Variants in NRXN3 observed in about 807,000 individuals in gnomAD.
The protein encoded by NRXN3 is neurexin III.
In NRXN3, 32 loss-of-function variants were observed where a neutral mutation model predicts 137.6. The ratio of observed to expected loss-of-function variants is 0.23; its 90% CI spans 0.18 to 0.31. NRXN3 has a LOEUF of 0.31. Among genes scored for constraint, NRXN3 ranks in the 10% least tolerant of loss-of-function variants. NRXN3 has a pLI of 1.00. For synonymous variants in NRXN3, 798 were observed against 784.5 expected, an observed-to-expected ratio of 1.02 and a Z score of -0.29; for missense variants, 1,574 against 2,062.5, an observed-to-expected ratio of 0.76 and a Z score of 4.59.
intron 2 of NRXN3, chr14:78,249,988 A>C: frequency 2.4e-6 from 1 of 415,454 alleles, no homozygotes; most frequent in Non-Finnish European, 4.8e-6. Context: ...GCTAATAATC[A>C]CAGAGCACTG....
intron 6 of NRXN3, among the ~76,000 whole-genome samples, chr14:78,700,457 A>G (rs1594882932): frequency 2.0e-5 from 3 of 152,328 alleles, no homozygotes; most frequent in Middle Eastern, 6.8e-3. Context: ...GTAGAGGCAC[A>G]TATTTGCCAA....
intron 15 of NRXN3, among the ~76,000 whole-genome samples, chr14:79,195,815 A>G (rs2065052100): frequency 1.3e-5 from 2 of 152,228 alleles, no homozygotes; most frequent in Admixed American, 1.3e-4. Context: ...TTTACTATGG[A>G]GATCCCTAGT....
At chr14:78,429,601 G>A (rs933793519) in intron 4 of NRXN3, among the ~76,000 whole-genome samples, 1 of 152,172 alleles carries the variant, frequency 6.6e-6, no homozygotes, top group African/African-American at 2.4e-5. Context: ...AAGATGATCA[G>A]CACCTGCTTT....
intron 19 of NRXN3, among the ~76,000 whole-genome samples, chr14:79,800,767 AAAC>A (rs963248522): frequency 9.8e-5 from 15 of 152,320 alleles, no homozygotes; most frequent in Middle Eastern, 3.4e-3. Flanking sequence ...GAAAAAGCCA[AAAC>A]AACAACAACA....
chr14:79,585,692 AAC>A lies in NRXN3; in HGVS notation c.3445-78084_3445-78083del, dbSNP rs1320156188. Among the ~76,000 whole-genome samples the A allele has an allele frequency of 6.9e-4, 80 of 116,476 alleles. 2 individuals are homozygous for A. The highest frequency in any genetic ancestry group is 9.5e-4 in the African/African-American group (30 of 31,552). 76.4% of individuals were successfully genotyped at this position (116,476 alleles called of 152,430 possible). On this transcript the variant is annotated intron_variant, in intron 16 of 20. Transcript: ENST00000335750. ...GAGCGAGACTCCATCTTAAAAAAAAAACAAAAAAAAAAAAAACCAACTTTGAT... is the reference window on the plus strand; with the variant it reads ...GAGCGAGACTCCATCTTAAAAAAAAAAAAAAAAAAAAAAACCAACTTTGAT...
At chr14:79,314,498 G>T (rs1411373721) in intron 15 of NRXN3, among the ~76,000 whole-genome samples, 1 of 31,724 alleles carries the variant, frequency 3.2e-5, no homozygotes, top group Admixed American at 4.4e-4. Flanking sequence ...AGGGGCGCCC[G>T]CCATTGCCCA....
intron 16 of NRXN3, among the ~76,000 whole-genome samples, chr14:79,584,097 A>AG (rs2097744623): frequency 8.5e-6 from 1 of 117,734 alleles, no homozygotes; most frequent in African/African-American, 5.1e-5. Context: ...TTACTAGGAT[A>AG]ATTTTTTCTC....
intron 20 of NRXN3, among the ~76,000 whole-genome samples, chr14:79,856,022 T>C (rs1393316315): frequency 6.6e-6 from 1 of 152,190 alleles, no homozygotes; most frequent in Admixed American, 6.5e-5. Flanking sequence ...TTGTAATACA[T>C]AATGATATCA....
At chr14:78,211,683 A>G (rs749632482) in intron 1 of NRXN3, among the ~76,000 whole-genome samples, 3 of 152,238 alleles carry the variant, frequency 2.0e-5, no homozygotes, top group South Asian at 2.1e-4. Context: ...GAGTGCCACT[A>G]TTCTAACGTC....
At chr14:79,420,377 G>T (rs2095558390) in intron 15 of NRXN3, among the ~76,000 whole-genome samples, 1 of 152,072 alleles carries the variant, frequency 6.6e-6, no homozygotes, top group African/African-American at 2.4e-5. Context: ...TTAAACTGAT[G>T]TATGACAGAA....
chr14:78,509,253 C>T (rs976180779), intron 4 of NRXN3, among the ~76,000 whole-genome samples: 2 of 152,102 alleles, frequency 1.3e-5, no homozygotes, highest in Non-Finnish European at 2.9e-5. Flanking sequence ...GAGCCAAGAT[C>T]GTGCTACTGC....
chr14:78,257,155 A>G (rs1206495285), intron 2 of NRXN3, among the ~76,000 whole-genome samples: 1 of 152,262 alleles, frequency 6.6e-6, no homozygotes, highest in East Asian at 1.9e-4. Context: ...TATGAAAACC[A>G]TGGTATGAAC....
At chr14:79,252,199 G>A (rs542840633) in intron 15 of NRXN3, among the ~76,000 whole-genome samples, 1 of 152,216 alleles carries the variant, frequency 6.6e-6, no homozygotes, top group Non-Finnish European at 1.5e-5. Context: ...TTCAAGGGTG[G>A]TGTATCTGAA....
At chr14:79,197,747 GGC>G (rs2153198326) in intron 15 of NRXN3, among the ~76,000 whole-genome samples, 1 of 152,074 alleles carries the variant, frequency 6.6e-6, no homozygotes, top group East Asian at 1.9e-4. Flanking sequence ...AGGTTGGGGT[GGC>G]AAACAACAAA....
chr14:79,382,603 T>C (rs1336840576), intron 15 of NRXN3, among the ~76,000 whole-genome samples: 1 of 152,136 alleles, frequency 6.6e-6, no homozygotes, highest in Non-Finnish European at 1.5e-5. Flanking sequence ...TTGTTGTTAT[T>C]ATCATACACA....
chr14:79,009,607 G>T (rs2099567700), intron 15 of NRXN3, among the ~76,000 whole-genome samples: 1 of 152,100 alleles, frequency 6.6e-6, no homozygotes, highest in Admixed American at 6.5e-5. Context: ...TCAGACAGGG[G>T]TATTTCATAT....
chr14:79,579,561 G>T (rs894362207), intron 16 of NRXN3, among the ~76,000 whole-genome samples: 1 of 151,808 alleles, frequency 6.6e-6, no homozygotes, highest in Non-Finnish European at 1.5e-5. Flanking sequence ...ATCGGTAATA[G>T]AAGTTATTAA....
chr14:78,732,350 C>A (rs940846382), intron 8 of NRXN3, among the ~76,000 whole-genome samples: 1 of 152,102 alleles, frequency 6.6e-6, no homozygotes, highest in African/African-American at 2.4e-5. Flanking sequence ...AGGGGAGGTG[C>A]AACTAATTAT....
intron 4 of NRXN3, among the ~76,000 whole-genome samples, chr14:78,550,740 G>A (rs768466976): frequency 3.9e-5 from 6 of 152,118 alleles, no homozygotes; most frequent in Non-Finnish European, 8.8e-5. Context: ...GAGATTTAGA[G>A]GATAAGTCTA....
Sources: allele counts gnomAD v4.1 joint callset (sites outside exome capture counted in the v4.1 genomes callset), GRCh38; gene constraint gnomAD v4.1.1; transcripts MANE v1.5; gene names NCBI Gene and HGNC (gene_info 2026-07-23, HGNC 2026-07-21).